AP3B1: variants seen among roughly 807,000 people sequenced by gnomAD.
AP3B1 encodes the protein adaptor related protein complex 3 subunit beta 1, also known as AP-3 complex subunit beta-1.
In AP3B1, 61 loss-of-function variants were observed where a neutral mutation model predicts 132.5. That is an observed-to-expected ratio of 0.46 (90% CI 0.37 to 0.57). The LOEUF is 0.57. Ranked by LOEUF, AP3B1 falls within the 20% of genes least tolerant of loss-of-function variation. The pLI is 0.00. For missense variants in AP3B1, 1,120 were observed against 1,289.4 expected, an observed-to-expected ratio of 0.87 and a Z score of 2.01; for synonymous variants, 388 against 438.3, an observed-to-expected ratio of 0.89 and a Z score of 1.43.
chr5:78,193,770 A>ATATATTTTT, intron 7 of AP3B1, among the ~76,000 whole-genome samples: 13 of 67,210 alleles, frequency 1.9e-4, no homozygotes, highest in African/African-American at 6.8e-4. Flanking sequence ...ATATATATAT[A>ATATATTTTT]TTTTTTTTTT....
chr5:78,234,788 C>T (rs1313733692), intron 3 of AP3B1, among the ~76,000 whole-genome samples: 1 of 152,086 alleles, frequency 6.6e-6, no homozygotes, highest in African/African-American at 2.4e-5. Context: ...CAACTGTAGA[C>T]TGAAAAAAAT....
chr5:78,017,875 T>C (rs1247757165), intron 25 of AP3B1, among the ~76,000 whole-genome samples: 6 of 152,038 alleles, frequency 3.9e-5, no homozygotes, highest in Non-Finnish European at 7.4e-5. Context: ...GTGAAGGCAG[T>C]AGATAGCACT....
At chr5:78,241,036 CTT>C (rs1747112006) in intron 2 of AP3B1, 100 bp from the exon 3 acceptor site, 1 of 806,712 alleles carries the variant, frequency 1.2e-6, no homozygotes, top group Non-Finnish European at 2.1e-6. Flanking sequence ...CCGCTGAACT[CTT>C]TTTGAATCAT....
intron 22 of AP3B1, among the ~76,000 whole-genome samples, chr5:78,040,492 CT>C (rs1371584560): frequency 2.6e-5 from 4 of 151,892 alleles, no homozygotes; most frequent in African/African-American, 9.7e-5. Flanking sequence ...GGTAAATCAC[CT>C]TTTACCCTTC....
At chr5:78,097,057 A>G (rs1202549021) in intron 21 of AP3B1, among the ~76,000 whole-genome samples, 2 of 69,862 alleles carry the variant, frequency 2.9e-5, no homozygotes, top group Admixed American at 1.5e-4. Flanking sequence ...TCCGGGAGGG[A>G]GGTTGGGGGG....
chr5:78,010,044 T>C (rs1746554988), intron 26 of AP3B1, among the ~76,000 whole-genome samples: 1 of 152,192 alleles, frequency 6.6e-6, no homozygotes, highest in African/African-American at 2.4e-5. Flanking sequence ...TGGGTGAAAA[T>C]GTGAGATGGC....
Position 78,248,492 on chromosome 5 carries a change from CAAAAAAAAAA to C in AP3B1, c.205-7566_205-7557del, listed in dbSNP as rs34983157. ...TGGGCAACAGAGCGAGACTCTGTCT[CAAAAAAAAAA>C]AAAAAAAAAAAAAAGAAAAGAAAAA... On this transcript the variant is annotated intron_variant, in intron 2 of 26. Transcript: ENST00000255194. 3.9e-4 allele frequency among the ~76,000 whole-genome samples: 28 copies of C among 71,374 alleles called. No homozygotes were observed. In the South Asian group the frequency reaches 0.013, roughly 33 times the overall value. 46.8% of individuals were successfully genotyped at this position (71,374 alleles called of 152,430 possible).
intron 3 of AP3B1, among the ~76,000 whole-genome samples, chr5:78,238,018 A>G (rs373490423): frequency 6.6e-6 from 1 of 152,220 alleles, no homozygotes; most frequent in Non-Finnish European, 1.5e-5. Flanking sequence ...CACCTAGGAT[A>G]TATGACATAG....
At chr5:78,213,044 A>AT (rs1289221853) in intron 7 of AP3B1, among the ~76,000 whole-genome samples, 3 of 150,810 alleles carry the variant, frequency 2.0e-5, no homozygotes, top group East Asian at 1.9e-4. Flanking sequence ...TGCCCGGCTA[A>AT]TTTTTTTTGT....
At chr5:78,095,217 T>C (rs1018922941) in intron 21 of AP3B1, among the ~76,000 whole-genome samples, 1 of 152,224 alleles carries the variant, frequency 6.6e-6, no homozygotes, top group Non-Finnish European at 1.5e-5. Flanking sequence ...TCACAGCAAG[T>C]ATTAAATTAA....
At chr5:78,047,754 T>G (rs980744868) in intron 22 of AP3B1, among the ~76,000 whole-genome samples, 23 of 152,200 alleles carry the variant, frequency 1.5e-4, no homozygotes, top group Non-Finnish European at 5.9e-5. Context: ...GTGATGCAAA[T>G]GATGCTACTC....
chr5:78,043,523 G>A (rs1353647802), intron 22 of AP3B1: 3 of 366,836 alleles, frequency 8.2e-6, no homozygotes, highest in African/African-American at 6.5e-5. Flanking sequence ...TAATGGGATA[G>A]GCTATGAACT....
At chr5:78,091,954 T>C (rs2112207971) in intron 21 of AP3B1, among the ~76,000 whole-genome samples, 1 of 152,328 alleles carries the variant, frequency 6.6e-6, no homozygotes, top group African/African-American at 2.4e-5. Flanking sequence ...CACTGGAAAC[T>C]GAGCCACAGG....
chr5:78,114,353 T>C (rs1017436753), intron 18 of AP3B1, among the ~76,000 whole-genome samples: 1 of 152,118 alleles, frequency 6.6e-6, no homozygotes, highest in African/African-American at 2.4e-5. Context: ...TTGAATCTTC[T>C]TAGGAACAAA....
intron 17 of AP3B1, among the ~76,000 whole-genome samples, chr5:78,122,630 A>T (rs547501220): frequency 2.7e-4 from 41 of 152,340 alleles, no homozygotes; most frequent in African/African-American, 9.9e-4. Flanking sequence ...CTAGGAATCC[A>T]ACTTACAAGG....
At chr5:78,122,607 G>T (rs1752263369) in intron 17 of AP3B1, among the ~76,000 whole-genome samples, 1 of 152,162 alleles carries the variant, frequency 6.6e-6, no homozygotes, top group South Asian at 2.1e-4. Context: ...TTGCTTCAAA[G>T]AGAATAAAAT....
chr5:78,292,114 G>A (rs1213592264), intron 1 of AP3B1, among the ~76,000 whole-genome samples: 1 of 152,076 alleles, frequency 6.6e-6, no homozygotes, highest in East Asian at 1.9e-4. Context: ...TTGTAAACTT[G>A]AAACTATTTC....
At chr5:78,116,951 C>T (rs1418968224) in intron 17 of AP3B1, among the ~76,000 whole-genome samples, 6 of 152,126 alleles carry the variant, frequency 3.9e-5, no homozygotes, top group African/African-American at 1.4e-4. Context: ...AGAGAAAAAG[C>T]CGAAGTCCCT....
At chr5:78,228,015 T>C (rs1473262987) in intron 4 of AP3B1, 129 bp downstream of exon 4, 3 of 588,770 alleles carry the variant, frequency 5.1e-6, no homozygotes, top group Non-Finnish European at 5.8e-6. Context: ...GTAGGCACTA[T>C]AGGAGGCTTT....
Sources: gnomAD v4.1 joint callset for allele counts (sites outside exome capture counted in the v4.1 genomes callset) on GRCh38, gnomAD v4.1.1 for gene constraint, MANE v1.5 for transcripts, NCBI Gene and HGNC (gene_info 2026-07-23, HGNC 2026-07-21) for gene names.